The following PCDH11X variants were observed in gnomAD, a reference collection of about 807,000 sequenced individuals.
PCDH11X encodes protocadherin-11 X-linked.
A neutral mutation model predicts 53.3 loss-of-function variants in PCDH11X; 18 were observed. The observed-to-expected ratio is 0.34, with a 90% CI of 0.23 to 0.50. The LOEUF is 0.50. PCDH11X is among the 20% of genes least tolerant of loss of function. The pLI, the probability that PCDH11X is intolerant of heterozygous loss-of-function variation, is 0.98. For missense variants in PCDH11X, 570 were observed against 1,032.4 expected (o/e 0.55, Z 6.14); for synonymous variants, 279 against 393.3 (o/e 0.71, Z 3.44).
intron 1 of PCDH11X, among the ~76,000 whole-genome samples, chrX:91,782,159 TG>T (rs1426104836): frequency 8.9e-6 from 1 of 112,437 alleles, no homozygotes; most frequent in Non-Finnish European, 1.9e-5. Flanking sequence ...CGGCCTCTCC[TG>T]GGTCCCGGCT....
intron 6 of PCDH11X, among the ~76,000 whole-genome samples, chrX:91,940,083 C>T (rs1183787029): frequency 9.1e-6 from 1 of 110,232 alleles, no homozygotes; most frequent in African/African-American, 3.3e-5. Context: ...AGTGGTTTAC[C>T]ACCATCCCCC....
In PCDH11X at chrX:92,333,438, T is replaced by C. The variant is rs373908271; in HGVS notation, c.3145-54297T>C. Among the ~76,000 whole-genome samples the C allele has an allele frequency of 8.8e-4, 98 of 111,712 alleles. 2 individuals carry two copies. In the East Asian group the frequency reaches 0.018, roughly 20 times the overall value. On this transcript the variant is annotated intron_variant, in intron 8 of 10. Transcript: ENST00000682573. Reference sequence around the variant, plus strand: ...GAGGCAGCATTCTGTACTAAATAACTAATGTTTTATCAAGCGTTCAATTTC... The same window carrying C: ...GAGGCAGCATTCTGTACTAAATAACCAATGTTTTATCAAGCGTTCAATTTC...
At chrX:92,163,184 GC>G (rs2065671920) in intron 6 of PCDH11X, among the ~76,000 whole-genome samples, 1 of 109,674 alleles carries the variant, frequency 9.1e-6, no homozygotes, top group South Asian at 4.0e-4. Flanking sequence ...CTCCCACCGT[GC>G]CCCCCGCCAA....
At chrX:92,313,527 A>C (rs1340903188) in intron 8 of PCDH11X, among the ~76,000 whole-genome samples, 1 of 110,537 alleles carries the variant, frequency 9.0e-6, no homozygotes, top group East Asian at 2.8e-4. Flanking sequence ...TAAAATTTTC[A>C]TGTAAATTGT....
intron 6 of PCDH11X, among the ~76,000 whole-genome samples, chrX:92,185,734 T>C (rs1427152075): frequency 9.1e-6 from 1 of 110,326 alleles, no homozygotes; most frequent in Non-Finnish European, 1.9e-5. Flanking sequence ...AATAAGTATA[T>C]GAAAAAATGT....
At chrX:92,444,271 T>C (rs1455694658) in intron 9 of PCDH11X, among the ~76,000 whole-genome samples, 1 of 108,205 alleles carries the variant, frequency 9.2e-6, no homozygotes, top group Non-Finnish European at 1.9e-5. Context: ...TCCTAGGTAT[T>C]TTATGTTTTT....
intron 8 of PCDH11X, among the ~76,000 whole-genome samples, chrX:92,274,561 C>A (rs372043408): frequency 9.0e-5 from 10 of 110,852 alleles, no homozygotes; most frequent in African/African-American, 3.0e-4. Flanking sequence ...TATCTGACTC[C>A]GGACATGTTG....
chrX:92,005,737 C>T (rs770061704), intron 6 of PCDH11X, among the ~76,000 whole-genome samples: 1 of 111,644 alleles, frequency 9.0e-6, no homozygotes, highest in East Asian at 2.8e-4. Flanking sequence ...TTATTAATGT[C>T]CTTTTCTTTC....
rs377269087 is a variant in PCDH11X at position 92,250,595 on chromosome X, G to GTATATATATA, written c.3115-12512_3115-12503dup. On this transcript the variant is annotated intron_variant, in intron 7 of 10. Transcript: ENST00000682573. ...TGTTTAAACAAAATAATGTGTGTAT[G>GTATATATATA]TATATATATATATATAAAATAATAT... Among the ~76,000 whole-genome samples, 163 of 99,479 alleles carry GTATATATATA rather than the reference G, an allele frequency of 1.6e-3. 1 individual carries two copies. The highest frequency in any genetic ancestry group is 6.6e-3 in the Admixed American group (59 of 8,881). The allele number at this position is 99,479 out of a possible 115,157, so 86.4% of individuals were successfully genotyped here. A position where few individuals can be genotyped will look rare whatever the true frequency, so the allele number is the denominator to read the frequency against.
At chrX:92,553,910 A>T (rs901803990) in intron 10 of PCDH11X, among the ~76,000 whole-genome samples, 5 of 111,571 alleles carry the variant, frequency 4.5e-5, no homozygotes, top group African/African-American at 1.6e-4. Flanking sequence ...AGTGACAAAA[A>T]TTCAGGAGTA....
intron 4 of PCDH11X, among the ~76,000 whole-genome samples, chrX:91,821,471 A>G (rs1269317104): frequency 3.3e-4 from 37 of 110,671 alleles, no homozygotes; most frequent in Non-Finnish European, 5.9e-4. Flanking sequence ...TTGGCTCTCT[A>G]TTTGTCTGTT....
At chrX:92,439,218 T>G (rs2072457840) in intron 9 of PCDH11X, among the ~76,000 whole-genome samples, 1 of 111,141 alleles carries the variant, frequency 9.0e-6, no homozygotes, top group African/African-American at 3.3e-5. Context: ...TAAAGAAGTG[T>G]CTTTAGGGTC....
chrX:91,994,323 A>G (rs2062374860), intron 6 of PCDH11X, among the ~76,000 whole-genome samples: 2 of 109,289 alleles, frequency 1.8e-5, no homozygotes, highest in African/African-American at 6.7e-5. Flanking sequence ...TCACCCTCCC[A>G]GCCCTTGGTA....
Position 91,992,199 on chromosome X carries a change from C to G in PCDH11X, c.3033+112926C>G, listed in dbSNP as rs1313579481. 3.9e-5 allele frequency among the ~76,000 whole-genome samples: 4 copies of G among 101,953 alleles called. No individual in the cohort carries two copies. The East Asian group carries it at 1.3e-3, about 32-fold the overall frequency. 88.5% of individuals were successfully genotyped at this position (101,953 alleles called of 115,157 possible). ...CTTATGTACAATTAGGTTTCTTAAA[C>G]TTCCAGATGAAGGCAAGATAGTTTT... On this transcript the variant is annotated intron_variant, in intron 6 of 10. Coordinates refer to ENST00000682573, the MANE Select transcript of PCDH11X (RefSeq NM_032968.5).
rs779262448 is a variant in PCDH11X at position 91,828,264 on chromosome X, C to T, written c.-44-7197C>T. ...CCTCCCGCATAGCTGGGACTACAGGCGCCCGCCACCACGCCCGGCTAATTT... is the reference window on the plus strand; with the variant it reads ...CCTCCCGCATAGCTGGGACTACAGGTGCCCGCCACCACGCCCGGCTAATTT... On this transcript the variant is annotated intron_variant, in intron 4 of 10. Transcript: ENST00000682573. Among the ~76,000 whole-genome samples the T allele has an allele frequency of 2.0e-3, 222 of 109,277 alleles. 1 individual carries two copies. Among genetic ancestry groups the T allele is most frequent in the African/African-American group, 6.9e-3 (207 of 29,983 alleles). 94.9% of individuals were successfully genotyped at this position (109,277 alleles called of 115,157 possible).
chrX:91,866,833 T>C (rs968361941), intron 5 of PCDH11X, among the ~76,000 whole-genome samples: 4 of 111,092 alleles, frequency 3.6e-5, no homozygotes, highest in African/African-American at 1.3e-4. Context: ...TCTTTCATTA[T>C]AGTATTTTTT....
intron 6 of PCDH11X, among the ~76,000 whole-genome samples, chrX:91,930,335 A>C (rs1189798419): frequency 1.8e-5 from 2 of 109,128 alleles, no homozygotes; most frequent in Non-Finnish European, 3.8e-5. Flanking sequence ...TGCATGTGAG[A>C]AATATTAGTA....
At chrX:92,335,915 G>A (rs1193196823) in intron 8 of PCDH11X, among the ~76,000 whole-genome samples, 8 of 111,515 alleles carry the variant, frequency 7.2e-5, no homozygotes, top group African/African-American at 2.6e-4. Flanking sequence ...TAATATCTAA[G>A]TTTTGCAGTA....
intron 6 of PCDH11X, among the ~76,000 whole-genome samples, chrX:92,025,397 A>T: frequency 9.6e-6 from 1 of 104,077 alleles, no homozygotes; most frequent in East Asian, 3.1e-4. Context: ...TGGACAAAAG[A>T]TATGAACAGA....
Sources: allele counts gnomAD v4.1 joint callset (sites outside exome capture counted in the v4.1 genomes callset), GRCh38; gene constraint gnomAD v4.1.1; transcripts MANE v1.5; gene names NCBI Gene and HGNC (gene_info 2026-07-23, HGNC 2026-07-21).